SMAD2: variants seen among roughly 807,000 people sequenced by gnomAD.
SMAD2 encodes MAD homolog 2.
A neutral mutation model predicts 64.4 loss-of-function variants in SMAD2; 8 were observed. The ratio of observed to expected loss-of-function variants is 0.12; its 90% CI spans 0.07 to 0.22. The LOEUF (loss-of-function observed/expected upper bound fraction) is 0.22. SMAD2 is among the 10% of genes least tolerant of loss of function. The pLI, the probability that SMAD2 is intolerant of heterozygous loss-of-function variation, is 1.00. For synonymous variants in SMAD2, 203 were observed against 195.8 expected (o/e 1.04, Z -0.31); for missense variants, 289 against 561.2 (o/e 0.51, Z 4.90).
At chr18:47,876,856 A>T (rs754419437) in intron 2 of SMAD2, among the ~76,000 whole-genome samples, 4 of 152,110 alleles carry the variant, frequency 2.6e-5, no homozygotes, top group Non-Finnish European at 5.9e-5. Context: ...CTTTGTTCCA[A>T]TTATCCAGAT....
At chr18:47,881,742 A>G (rs1033705299) in intron 2 of SMAD2, among the ~76,000 whole-genome samples, 1 of 152,196 alleles carries the variant, frequency 6.6e-6, no homozygotes, top group Non-Finnish European at 1.5e-5. Context: ...TCAGACTGAG[A>G]AAGTCTCTTT....
chr18:47,927,603 G>A (rs1358244965), intron 1 of SMAD2, among the ~76,000 whole-genome samples: 1 of 152,188 alleles, frequency 6.6e-6, no homozygotes, highest in Non-Finnish European at 1.5e-5. Context: ...TGTATTTGTT[G>A]AAAATAAATG....
rs1343778051 is a variant in SMAD2 at position 47,811,457 on chromosome 18, G to A, written c.*30370C>T. ...TGCACTCCAGCCTGGGCGACAGAGCGAGACCTCGTCTCAAAAAAAAAAAAA... is the reference window on the plus strand; with the variant it reads ...TGCACTCCAGCCTGGGCGACAGAGCAAGACCTCGTCTCAAAAAAAAAAAAA... On this transcript the variant is annotated 3_prime_UTR_variant, in exon 11 of 11. Transcript: ENST00000262160. 5 of 129,530 alleles carry A rather than the reference G, an allele frequency of 3.9e-5. 1 individual carries two copies. Among genetic ancestry groups the A allele is most frequent in the Non-Finnish European group, 7.9e-5 (5 of 63,620 alleles). 8.0% of individuals were successfully genotyped at this position (129,530 alleles called of 1,614,324 possible).
intron 6 of SMAD2, among the ~76,000 whole-genome samples, chr18:47,852,795 G>C (rs577551652): frequency 6.6e-6 from 1 of 151,732 alleles, no homozygotes; most frequent in Non-Finnish European, 1.5e-5. Context: ...AAAATAAGGG[G>C]GCACAAACAT....
rs1031401945 is a variant in SMAD2 at position 47,811,501 on chromosome 18, A to G, written c.*30326T>C. 1 of 151,842 alleles carries G rather than the reference A, an allele frequency of 6.6e-6. No individual in the cohort carries two copies. Among genetic ancestry groups the G allele is most frequent in the African/African-American group, 2.4e-5 (1 of 41,330 alleles). The allele number at this position is 151,842 out of a possible 1,614,324, so 9.4% of individuals were successfully genotyped here. On this transcript the variant is annotated 3_prime_UTR_variant, in exon 11 of 11. Transcript: ENST00000262160. ...AAAAAAAAAAAAAAGAAAAAGAAAT[A>G]AGGTAATTCTGAAATCCACAGCAAT...
intron 1 of SMAD2, among the ~76,000 whole-genome samples, chr18:47,920,553 G>A (rs2034520302): frequency 6.6e-6 from 1 of 152,148 alleles, no homozygotes; most frequent in Admixed American, 6.5e-5. Context: ...TAGTAACAGT[G>A]GTTACATTTC....
At chr18:47,851,130 C>G in intron 7 of SMAD2, 144 bp downstream of exon 7, 1 of 576,096 alleles carries the variant, frequency 1.7e-6, no homozygotes, top group East Asian at 3.0e-5. Flanking sequence ...TTAAAAAGCA[C>G]TACTTTAACC....
chr18:47,908,104 G>C (rs116389395), intron 1 of SMAD2, among the ~76,000 whole-genome samples: 2,308 of 152,304 alleles, frequency 0.015, 60 homozygotes, highest in African/African-American at 0.053. Flanking sequence ...ACATGCCAAT[G>C]CACATTACAA....
intron 8 of SMAD2, 46 bp downstream of exon 8, chr18:47,848,429 T>C (rs927167161): frequency 1.5e-6 from 2 of 1,373,912 alleles, no homozygotes; most frequent in African/African-American, 1.4e-5. Context: ...GCCTACATTA[T>C]GAGTATACAG....
chr18:47,829,351 A>C lies in SMAD2; in HGVS notation c.*12476T>G, dbSNP rs1255896546. On this transcript the variant is annotated 3_prime_UTR_variant, in exon 11 of 11. Transcript: ENST00000262160. The stretch of plus-strand genomic sequence containing the variant: ...CTTACCCATTGTATTTTACCCATAA[A>C]TGTTTCATTCTGTATCTCTAAAACA... 1 of 152,114 alleles carries C rather than the reference A, an allele frequency of 6.6e-6. No homozygotes were observed. The highest frequency in any genetic ancestry group is 2.4e-5 in the African/African-American group (1 of 41,422). The allele number at this position is 152,114 out of a possible 1,614,324, so 9.4% of individuals were successfully genotyped here.
At chr18:47,874,139 T>C (rs2032118646) in intron 2 of SMAD2, among the ~76,000 whole-genome samples, 2 of 152,210 alleles carry the variant, frequency 1.3e-5, no homozygotes, top group African/African-American at 2.4e-5. Context: ...CTATTTGTTT[T>C]ATATCTATTA....
chr18:47,852,769 G>A (rs1024673353), intron 6 of SMAD2, among the ~76,000 whole-genome samples: 1 of 151,898 alleles, frequency 6.6e-6, no homozygotes, highest in Non-Finnish European at 1.5e-5. Flanking sequence ...GGGTAAACAG[G>A]CTAAATCTAA....
Position 47,848,695 on chromosome 18 carries a change from A to C in SMAD2, c.785-8T>G, listed in dbSNP as rs781487507. ...AAGTAACTGGCTGTAAATCTGAAAA[A>C]GAAAAAAATAAAAAAATAATAAAAG... On this transcript the variant is annotated splice_region_variant and splice_polypyrimidine_tract_variant and intron_variant, in intron 7 of 10. Coordinates refer to ENST00000262160, the MANE Select transcript of SMAD2 (RefSeq NM_005901.6). 4.9e-5 allele frequency: 77 copies of C among 1,585,436 alleles called. No homozygotes were observed. The highest frequency in any genetic ancestry group is 6.6e-5 in the Non-Finnish European group (76 of 1,157,730).
At chr18:47,909,781 C>A (rs1015927918) in intron 1 of SMAD2, among the ~76,000 whole-genome samples, 9 of 152,182 alleles carry the variant, frequency 5.9e-5, no homozygotes, top group Admixed American at 5.9e-4. Context: ...TAAAAGACTG[C>A]CTTTTAAAGT....
chr18:47,916,132 A>G (rs1420141000), intron 1 of SMAD2, among the ~76,000 whole-genome samples: 1 of 152,152 alleles, frequency 6.6e-6, no homozygotes, highest in Non-Finnish European at 1.5e-5. Flanking sequence ...TAGTCATGGT[A>G]TTTTTGTTTT....
At chr18:47,925,064 C>T (rs984190628) in intron 1 of SMAD2, among the ~76,000 whole-genome samples, 16 of 152,110 alleles carry the variant, frequency 1.1e-4, no homozygotes, top group Admixed American at 6.5e-5. Context: ...TCCCCCTTCC[C>T]CACAAAATGA....
At chr18:47,929,650 G>T (rs144741747) in intron 1 of SMAD2, among the ~76,000 whole-genome samples, 1 of 152,140 alleles carries the variant, frequency 6.6e-6, no homozygotes, top group African/African-American at 2.4e-5. Flanking sequence ...AGGGTCAAGA[G>T]AAAGGAATAA....
chr18:47,912,760 G>C (rs1184748957), intron 1 of SMAD2, among the ~76,000 whole-genome samples: 2 of 144,352 alleles, frequency 1.4e-5, no homozygotes, highest in Non-Finnish European at 3.0e-5. Context: ...CAAAATAAAA[G>C]AATCTCCCTA....
chr18:47,890,179 A>G (rs2033124110), intron 2 of SMAD2, among the ~76,000 whole-genome samples: 1 of 152,200 alleles, frequency 6.6e-6, no homozygotes, highest in South Asian at 2.1e-4. Flanking sequence ...TGCCTTCCAA[A>G]GTGTGTTTCA....
Sources: gnomAD v4.1 joint callset for allele counts (sites outside exome capture counted in the v4.1 genomes callset) on GRCh38, gnomAD v4.1.1 for gene constraint, MANE v1.5 for transcripts, NCBI Gene and HGNC (gene_info 2026-07-23, HGNC 2026-07-21) for gene names.